The following GCLC variants were observed in gnomAD, a reference collection of about 807,000 sequenced individuals.
The protein encoded by GCLC is glutamate--cysteine ligase catalytic subunit.
A neutral mutation model predicts 81.5 loss-of-function variants in GCLC; 30 were observed. The observed-to-expected ratio is 0.37, with a 90% CI of 0.28 to 0.50. The LOEUF (loss-of-function observed/expected upper bound fraction) is 0.50, where lower values mean the gene tolerates loss of function less well. Among genes scored for constraint, GCLC ranks in the 20% least tolerant of loss-of-function variants. GCLC has a pLI of 0.96. For synonymous variants in GCLC, 262 were observed against 273.3 expected (o/e 0.96, Z 0.41); for missense variants, 556 against 777.4 (o/e 0.72, Z 3.39).
intron 2 of GCLC, 56 bp downstream of exon 2, chr6:53,522,359 A>C (rs1280289643): frequency 2.0e-6 from 2 of 999,060 alleles, no homozygotes; most frequent in East Asian, 4.8e-5. Flanking sequence ...AAAAAACTCT[A>C]TATTCTAGAA....
chr6:53,516,114 G>A lies in GCLC; in HGVS notation c.555C>T (p.Arg185=). 2 of 1,589,400 alleles carry A rather than the reference G, an allele frequency of 1.3e-6. No individual in the cohort carries two copies. Among genetic ancestry groups the A allele is most frequent in the South Asian group, 2.2e-5 (2 of 90,584 alleles). Residue 185 remains arginine, a synonymous_variant, in exon 4 of 16, where the codon CGC becomes CGT. Transcript: ENST00000650454. ...CAACACAAAGCCATACTCACCTGAA[G>A]CGAGGGTGCTTGTTTATTGCTTCAT... ...FPDEAINKHP[R]FSTLTRNIRH...
chr6:53,542,705 G>C (rs1006876078), intron 1 of GCLC, among the ~76,000 whole-genome samples: 2 of 152,116 alleles, frequency 1.3e-5, no homozygotes, highest in Non-Finnish European at 2.9e-5. Flanking sequence ...TTTGTAGAGA[G>C]ACCTAGTTAA....
At chr6:53,521,870 A>G (rs1763003929) in intron 2 of GCLC, among the ~76,000 whole-genome samples, 1 of 152,128 alleles carries the variant, frequency 6.6e-6, no homozygotes, top group Admixed American at 6.5e-5. Context: ...GCTACTCGGG[A>G]GGGTGAGGCA....
At chr6:53,499,336 C>T (rs1368557090) in intron 15 of GCLC, among the ~76,000 whole-genome samples, 3 of 152,168 alleles carry the variant, frequency 2.0e-5, no homozygotes, top group Non-Finnish European at 4.4e-5. Context: ...ATGAGACTGC[C>T]TCAGAGGACT....
chr6:53,533,410 T>C (rs1037754628), intron 1 of GCLC, among the ~76,000 whole-genome samples: 28 of 152,216 alleles, frequency 1.8e-4, no homozygotes, highest in Non-Finnish European at 3.4e-4. Flanking sequence ...CAGAGGCTTC[T>C]TGTCCTTCCC....
intron 2 of GCLC, among the ~76,000 whole-genome samples, chr6:53,521,843 G>A (rs1213820123): frequency 1.3e-5 from 2 of 152,060 alleles, no homozygotes; most frequent in African/African-American, 2.4e-5. Flanking sequence ...GCGTGGTGGC[G>A]GGCGCCTGTA....
At chr6:53,527,062 C>G (rs551221232) in intron 1 of GCLC, among the ~76,000 whole-genome samples, 1 of 152,222 alleles carries the variant, frequency 6.6e-6, no homozygotes, top group African/African-American at 2.4e-5. Flanking sequence ...AAACCTACAC[C>G]AAGCCCTTCA....
Position 53,498,922 on chromosome 6 carries a change from T to C in GCLC, c.1748A>G (p.Asn583Ser). 2 of 1,613,840 alleles carry C rather than the reference T, an allele frequency of 1.2e-6. 1 individual carries two copies. The highest frequency in any genetic ancestry group is 3.3e-4 in the Middle Eastern group (2 of 6,062). The stretch of plus-strand genomic sequence containing the variant: ...ACTGTCTTGCTTGTAGTCAGGATGG[T>C]TTGCGATAAACTCCCTCATCCATCT... ...VARWMREFIA[N>S]HPDYKQDSVI... The change falls in exon 16 of 16, where the codon AAC becomes AGC. Residue 583 changes from asparagine (N) to serine (S), a missense_variant. Physicochemically the swap from Asn to Ser is conservative, Grantham distance 46 (BLOSUM62 1). Transcript: ENST00000650454.
rs751564041 is a variant in GCLC, at chr6:53,511,105, C to T, written c.754-1855G>A. On this transcript the variant is annotated intron_variant, in intron 6 of 15. Coordinates refer to ENST00000650454, the MANE Select transcript of GCLC (RefSeq NM_001498.4). ...TGCTGAAGTAGAAGCTCCAGAAGGG[C>T]GGGGATCTTTCTTCCCATTCTCTAT... 6.0e-5 allele frequency among the ~76,000 whole-genome samples: 9 copies of T among 149,896 alleles called. No homozygotes were observed. The South Asian group carries it at 6.4e-4, about 11-fold the overall frequency.
chr6:53,519,504 T>C (rs1377778101), intron 3 of GCLC, among the ~76,000 whole-genome samples: 1 of 148,358 alleles, frequency 6.7e-6, no homozygotes, highest in South Asian at 2.3e-4. Flanking sequence ...CAGCCCCACT[T>C]TGACGCTTAT....
At position 53,498,589 on chromosome 6, in the gene GCLC, A is replaced by T; in HGVS notation, c.*167T>A. 10 of 658,696 alleles carry T rather than the reference A, an allele frequency of 1.5e-5. No homozygotes were observed. The highest frequency in any genetic ancestry group is 2.5e-5 in the Non-Finnish European group (9 of 363,514). 40.8% of individuals were successfully genotyped at this position (658,696 alleles called of 1,614,324 possible). A position where few individuals can be genotyped will look rare whatever the true frequency, so the allele number is the denominator to read the frequency against. The stretch of plus-strand genomic sequence containing the variant: ...TTACTATGTACATGTACACTGTATA[A>T]ACTCTAGATTTACCTACCAAAGAAA... On this transcript the variant is annotated 3_prime_UTR_variant, in exon 16 of 16. Coordinates refer to ENST00000650454, the MANE Select transcript of GCLC (RefSeq NM_001498.4).
intron 1 of GCLC, among the ~76,000 whole-genome samples, chr6:53,536,594 G>C (rs1763261304): frequency 6.6e-6 from 1 of 152,116 alleles, no homozygotes; most frequent in Non-Finnish European, 1.5e-5. Flanking sequence ...TTCATATACA[G>C]TTTTCTAACT....
At position 53,508,578 on chromosome 6, in the gene GCLC, G is replaced by A. The variant is rs770988393; in HGVS notation, c.945+17C>T. ...CTGCTTGACTTAAAAGGGCTATTAA[G>A]GAAAAACAATTCCCACCTCCAGTCC... On this transcript the variant is annotated intron_variant, in intron 8 of 15. Coordinates refer to ENST00000650454, the MANE Select transcript of GCLC (RefSeq NM_001498.4). The A allele has an allele frequency of 1.2e-5, 17 of 1,463,944 alleles. No individual in the cohort carries two copies. The highest frequency in any genetic ancestry group is 1.6e-5 in the Non-Finnish European group (17 of 1,042,998). 90.7% of individuals were successfully genotyped at this position (1,463,944 alleles called of 1,614,324 possible).
At chr6:53,541,287 G>A (rs1313647564) in intron 1 of GCLC, among the ~76,000 whole-genome samples, 1 of 152,178 alleles carries the variant, frequency 6.6e-6, no homozygotes, top group Non-Finnish European at 1.5e-5. Flanking sequence ...CAGATCAAGG[G>A]CGGGAGGTAG....
At chr6:53,520,211 T>C (rs1344664106) in intron 3 of GCLC, among the ~76,000 whole-genome samples, 2 of 152,230 alleles carry the variant, frequency 1.3e-5, no homozygotes, top group Non-Finnish European at 2.9e-5. Flanking sequence ...CATAACTAGA[T>C]TTGATGACAA....
At chr6:53,513,179 T>C (rs1397740512) in intron 6 of GCLC, 1 of 152,256 alleles carries the variant, frequency 6.6e-6, no homozygotes, top group Non-Finnish European at 1.5e-5. Flanking sequence ...CAGAGATATA[T>C]GCACAAGAAG....
chr6:53,500,755 C>T, intron 12 of GCLC: 1 of 562,368 alleles, frequency 1.8e-6, no homozygotes, highest in Non-Finnish European at 3.2e-6. Context: ...AAACCCAAAA[C>T]TTATATTCAT....
chr6:53,517,695 A>T (rs1762904117), intron 3 of GCLC, among the ~76,000 whole-genome samples: 1 of 152,156 alleles, frequency 6.6e-6, no homozygotes, highest in Non-Finnish European at 1.5e-5. Context: ...AGAAGGTAGA[A>T]TCAGAACTTG....
In GCLC at chr6:53,508,643, C is replaced by T; in HGVS notation, c.897G>A (p.Val299=). The change falls in exon 8 of 16, where the codon GTG becomes GTA. Residue 299 remains valine (V), a synonymous_variant. Transcript: ENST00000650454. ...TTCTATCATCTACAGATGCAGAAAT[C>T]ACTCCCCAGCGACAATCAATGTCTG... The part of the protein sequence containing the change: ...YVSDIDCRWG[V]ISASVDDRTR... The T allele has an allele frequency of 6.2e-7, 1 of 1,613,768 alleles. No individual in the cohort carries two copies. Among genetic ancestry groups the T allele is most frequent in the South Asian group, 1.1e-5 (1 of 91,076 alleles).
Sources: allele counts gnomAD v4.1 joint callset (sites outside exome capture counted in the v4.1 genomes callset), GRCh38; gene constraint gnomAD v4.1.1; transcripts MANE v1.5; gene names NCBI Gene and HGNC (gene_info 2026-07-23, HGNC 2026-07-21).